The following MYOM3 variants were observed in gnomAD, a reference collection of about 807,000 sequenced individuals.
MYOM3 encodes the protein myomesin 3, also known as myomesin-3.
Under a neutral mutation model 191.7 loss-of-function variants are expected in MYOM3, and 155 were observed. The observed-to-expected ratio is 0.81, with a 90% CI of 0.71 to 0.92. MYOM3 has a LOEUF of 0.92. MYOM3 is among the 40% of genes least tolerant of loss of function. The pLI is 0.00. For synonymous variants in MYOM3, 757 were observed against 762.9 expected (o/e 0.99, Z 0.13); for missense variants, 1,889 against 1,890.6 (o/e 1.00, Z 0.02).
In MYOM3 at chr1:24,062,577, TTATCTG is replaced by T. The variant is rs1643383820; in HGVS notation, c.3771-474_3771-469del. ...GCACTGGGAAAACTCTGCTGTTGGATTATCTGGGGCCACTCAGAGAGTGGCTGAGTC... is the reference window on the plus strand; with the variant it reads ...GCACTGGGAAAACTCTGCTGTTGGATGGGCCACTCAGAGAGTGGCTGAGTC... On this transcript the variant is annotated intron_variant, in intron 32 of 36. Coordinates refer to ENST00000374434, the MANE Select transcript of MYOM3 (RefSeq NM_152372.4). Among the ~76,000 whole-genome samples, 3 of 152,070 alleles carry T rather than the reference TTATCTG, an allele frequency of 2.0e-5. No homozygotes were observed. The South Asian group carries it at 6.2e-4, about 32-fold the overall frequency.
Position 24,064,102 on chromosome 1 carries a change from C to A in MYOM3, c.3592G>T (p.Asp1198Tyr). The A allele has an allele frequency of 6.2e-7, 1 of 1,614,062 alleles. No homozygotes were observed. The highest frequency in any genetic ancestry group is 8.5e-7 in the Non-Finnish European group (1 of 1,179,998). ...CCCGTGAGGTCCAATATGGTGTCGT[C>A]CTCCCCTCGATCGTCAGAAACCATC... The part of the protein sequence containing the change: ...RAMVSDDRGE[D>Y]DTILDLTGDA... Residue 1198 changes from aspartate to tyrosine, a missense_variant, in exon 30 of 37, where the codon GAC (aspartate) becomes TAC (tyrosine). By Grantham distance (160) the Asp-to-Tyr change is radical (BLOSUM62 -3). Transcript: ENST00000374434.
intron 13 of MYOM3, 136 bp downstream of exon 13, chr1:24,089,925 TCTGA>T (rs1394952208): frequency 3.4e-6 from 3 of 880,072 alleles, no homozygotes; most frequent in Non-Finnish European, 5.3e-6. Flanking sequence ...ACCCCAGCAC[TCTGA>T]CTGCCTCCAA....
chr1:24,096,845 C>G (rs1205830236), intron 7 of MYOM3, among the ~76,000 whole-genome samples: 2 of 152,222 alleles, frequency 1.3e-5, no homozygotes, highest in Non-Finnish European at 1.5e-5. Flanking sequence ...TGGGCAGTGC[C>G]CTGCCCTGGT....
At chr1:24,060,704 G>C (rs897864896) in intron 35 of MYOM3, among the ~76,000 whole-genome samples, 1 of 152,144 alleles carries the variant, frequency 6.6e-6, no homozygotes, top group South Asian at 2.1e-4. Flanking sequence ...ATTCGATGAG[G>C]CTCCAATACC....
chr1:24,094,660 G>C (rs1274779667), intron 9 of MYOM3, among the ~76,000 whole-genome samples, 193 bp downstream of exon 9: 1 of 152,110 alleles, frequency 6.6e-6, no homozygotes, highest in African/African-American at 2.4e-5. Flanking sequence ...ACAGATGCTT[G>C]GTGGCCATTT....
Position 24,092,246 on chromosome 1 carries a change from T to C in MYOM3, c.1160A>G (p.Asp387Gly). The C allele has an allele frequency of 7.0e-7, 1 of 1,421,130 alleles. No homozygotes were observed. Among genetic ancestry groups the C allele is most frequent in the Non-Finnish European group, 9.3e-7 (1 of 1,078,166 alleles). 88.0% of individuals were successfully genotyped at this position (1,421,130 alleles called of 1,614,324 possible). Residue 387 changes from aspartate to glycine, a missense_variant, in exon 11 of 37, where the codon GAC becomes GGC. By Grantham distance (94) the Asp-to-Gly change is moderately conservative. Coordinates refer to ENST00000374434, the MANE Select transcript of MYOM3 (RefSeq NM_152372.4). ...CGGGGCCCAAGTCAGGATGAGGCAG[T>C]CTCTGTTCACATCCAGGCATCGGAC... Reference protein sequence around the residue: ...LNVRCLDVNRDCLILTWAPPS... With the variant: ...LNVRCLDVNRGCLILTWAPPS...
In MYOM3 at chr1:24,094,390, C is replaced by T. The variant is rs541520050; in HGVS notation, c.928+463G>A. Among the ~76,000 whole-genome samples the T allele has an allele frequency of 7.2e-5, 11 of 152,176 alleles. No homozygotes were observed. The South Asian group carries it at 2.3e-3, about 32-fold the overall frequency. On this transcript the variant is annotated intron_variant, in intron 9 of 36. Coordinates refer to ENST00000374434, the MANE Select transcript of MYOM3 (RefSeq NM_152372.4). Reference sequence around the variant, plus strand: ...TTTTGCCATGTTGGCTAGACCTGAACTCTTGACCTCAGGTGATCCACCCAC... The same window carrying T: ...TTTTGCCATGTTGGCTAGACCTGAATTCTTGACCTCAGGTGATCCACCCAC...
intron 30 of MYOM3, 56 bp downstream of exon 30, chr1:24,064,016 C>A (rs865869537): frequency 7.8e-7 from 1 of 1,289,970 alleles, no homozygotes; most frequent in African/African-American, 1.5e-5. Flanking sequence ...CAGATCACAT[C>A]ACAGTCTGCT....
rs759495224 is a variant in MYOM3, at chr1:24,076,194, A to G, written c.2666T>C (p.Met889Thr). 6.2e-7 allele frequency: 1 copy of G among 1,614,174 alleles called. No individual in the cohort carries two copies. Among genetic ancestry groups the G allele is most frequent in the Non-Finnish European group, 8.5e-7 (1 of 1,179,992 alleles). The stretch of plus-strand genomic sequence containing the variant: ...CTCCAGGAGCACGGGATCAGTGGGC[A>G]TGGACGGTTGCCCCAGACCAGCTGA... ...MNSAGLGQPS[M>T]PTDPVLLEDK... is the part of the protein sequence containing the mutation. Residue 889 changes from methionine to threonine, a missense_variant, in exon 21 of 37, where the codon ATG becomes ACG. Physicochemically the swap from Met to Thr is moderately conservative, Grantham distance 81. Transcript: ENST00000374434.
intron 9 of MYOM3, among the ~76,000 whole-genome samples, chr1:24,094,510 T>A (rs2148557228): frequency 6.6e-6 from 1 of 152,260 alleles, no homozygotes; most frequent in Non-Finnish European, 1.5e-5. Flanking sequence ...TGCAAATGGC[T>A]GAGCAGGTGC....
chr1:24,067,957 C>A lies in MYOM3; in HGVS notation c.3355+13G>T, dbSNP rs772003017. On this transcript the variant is annotated intron_variant, in intron 27 of 36. Coordinates refer to ENST00000374434, the MANE Select transcript of MYOM3 (RefSeq NM_152372.4). ...TGGCCAGGGATTTTGAACTTCACCCCAGCAGCTCTTACCCTGTTTTCTCTT... is the reference window on the plus strand; with the variant it reads ...TGGCCAGGGATTTTGAACTTCACCCAAGCAGCTCTTACCCTGTTTTCTCTT... 16 of 1,613,766 alleles carry A rather than the reference C, an allele frequency of 9.9e-6. No homozygotes were observed. The highest frequency in any genetic ancestry group is 1.3e-5 in the Non-Finnish European group (15 of 1,179,716).
Position 24,063,016 on chromosome 1 carries a change from C to G in MYOM3, c.3770+110G>C. 1.6e-6 allele frequency: 1 copy of G among 626,870 alleles called. No homozygotes were observed. Among genetic ancestry groups the G allele is most frequent in the Non-Finnish European group, 2.9e-6 (1 of 350,134 alleles). 38.8% of individuals were successfully genotyped at this position (626,870 alleles called of 1,614,324 possible). A position where few individuals can be genotyped will look rare whatever the true frequency, so the allele number is the denominator to read the frequency against. The stretch of plus-strand genomic sequence containing the variant: ...CTGGGACCAGGCTCTGCTTGGGGGA[C>G]CAGAAACTCTGCTTGGAGGACCAGG... On this transcript the variant is annotated intron_variant, in intron 32 of 36. Coordinates refer to ENST00000374434, the MANE Select transcript of MYOM3 (RefSeq NM_152372.4). The surrounding 1 kb of genome is among the most constrained non-coding windows in gnomAD (Gnocchi z 4.5).
At chr1:24,101,317 T>C (rs1300263159) in intron 5 of MYOM3, among the ~76,000 whole-genome samples, 1 of 152,194 alleles carries the variant, frequency 6.6e-6, no homozygotes, top group Admixed American at 6.5e-5. Flanking sequence ...GAAAACAAGC[T>C]TCTAGCTTAT....
rs1369468307 is a variant in MYOM3 at position 24,067,336 on chromosome 1, CTT to C, written c.3356-250_3356-249del. ...TCTTTCTTTCTTTCCTTCTTTCTTT[CTT>C]TCTTTCTTTCTTTCTTTCTTTCTTT... On this transcript the variant is annotated intron_variant, in intron 27 of 36. Coordinates refer to ENST00000374434, the MANE Select transcript of MYOM3 (RefSeq NM_152372.4). 9.5e-4 allele frequency among the ~76,000 whole-genome samples: 63 copies of C among 66,392 alleles called. 2 individuals are homozygous for C. The South Asian group carries it at 0.028, about 29-fold the overall frequency. The allele number at this position is 66,392 out of a possible 152,430, so 43.6% of individuals were successfully genotyped here. A position where few individuals can be genotyped will look rare whatever the true frequency, so the allele number is the denominator to read the frequency against.
chr1:24,062,006 T>C lies in MYOM3; in HGVS notation c.3874A>G (p.Thr1292Ala), dbSNP rs1643375401. ...TCCTTCCCTGCAGCTATTTCCAGAG[T>C]GTATTTGCCCTTGTCTGAGTCTTTG... is the stretch of plus-strand genomic sequence containing the variant. ...DPKDSDKGKY[T>A]LEIAAGKEVR... The change falls in exon 33 of 37, where the codon ACT becomes GCT. Residue 1292 changes from threonine (T) to alanine (A), a missense_variant. Thr to Ala is a moderately conservative substitution (Grantham distance 58, BLOSUM62 0). Transcript: ENST00000374434. The C allele has an allele frequency of 1.2e-6, 2 of 1,613,942 alleles. No homozygotes were observed. Among genetic ancestry groups the C allele is most frequent in the African/African-American group, 1.3e-5 (1 of 74,870 alleles).
chr1:24,065,913 G>A lies in MYOM3; in HGVS notation c.3512C>T (p.Thr1171Met), dbSNP rs749855725. The stretch of plus-strand genomic sequence containing the variant: ...TGCCTCTTCAATGCAGAGAAGTCCC[G>A]TTCCCGTCTCTGGGTCATACTGACC... ...PDGQYDPETG[T>M]GLLCIEELSK... The change falls in exon 29 of 37, where the codon ACG (threonine) becomes ATG (methionine). Residue 1171 changes from threonine to methionine, a missense_variant. Coordinates refer to ENST00000374434, the MANE Select transcript of MYOM3 (RefSeq NM_152372.4). The A allele has an allele frequency of 2.2e-5, 36 of 1,612,326 alleles. No homozygotes were observed. Among genetic ancestry groups the A allele is most frequent in the South Asian group, 2.2e-4 (20 of 91,054 alleles).
intron 8 of MYOM3, 146 bp from the exon 9 acceptor site, chr1:24,095,136 G>C (rs1643871256): frequency 2.3e-6 from 2 of 867,520 alleles, no homozygotes; most frequent in East Asian, 2.7e-5. Flanking sequence ...AGGAGGGGAA[G>C]AGACTTATCT....
At chr1:24,090,210 G>C in intron 12 of MYOM3, 92 bp from the exon 13 acceptor site, 1 of 1,051,822 alleles carries the variant, frequency 9.5e-7, no homozygotes, top group Non-Finnish European at 1.5e-6. Context: ...GTCCTGCCCC[G>C]TCCCAGTCCT....
In MYOM3 at chr1:24,096,108, G is replaced by A. The variant is rs754402489; in HGVS notation, c.746-622C>T. ...CAGAAGAGAAAACTGAGGCACAGCC[G>A]TCCAGACAACACCCCAGCAGCCTGA... On this transcript the variant is annotated intron_variant, in intron 7 of 36. Coordinates refer to ENST00000374434, the MANE Select transcript of MYOM3 (RefSeq NM_152372.4). 5.3e-5 allele frequency among the ~76,000 whole-genome samples: 8 copies of A among 152,294 alleles called. No individual in the cohort carries two copies. The East Asian group carries it at 7.7e-4, about 15-fold the overall frequency.
Sources: gnomAD v4.1 joint callset for allele counts (sites outside exome capture counted in the v4.1 genomes callset) on GRCh38, gnomAD v4.1.1 for gene constraint, Gnocchi (gnomAD v3.1) non-coding constraint, MANE v1.5 for transcripts, NCBI Gene and HGNC (gene_info 2026-07-23, HGNC 2026-07-21) for gene names.